Variants in GALNTL6 observed in about 807,000 individuals in gnomAD.
GALNTL6 encodes the protein polypeptide N-acetylgalactosaminyltransferase like 6.
In GALNTL6, 46 loss-of-function variants were observed where a neutral mutation model predicts 73.7. The ratio of observed to expected loss-of-function variants is 0.62; its 90% confidence interval spans 0.49 to 0.80. The LOEUF (loss-of-function observed/expected upper bound fraction) is 0.80. GALNTL6 is among the 30% of genes least tolerant of loss of function. The probability of loss-of-function intolerance (pLI) is 0.00; values close to 1 mark genes in which losing one functional copy is unlikely to be tolerated. For synonymous variants in GALNTL6, 259 were observed against 263.7 expected (o/e 0.98, Z 0.17); for missense variants, 604 against 755.0 (o/e 0.80, Z 2.34).
At chr4:172,524,204 A>G (rs923851138) in intron 5 of GALNTL6, among the ~76,000 whole-genome samples, 16 of 151,962 alleles carry the variant, frequency 1.1e-4, no homozygotes, top group Admixed American at 9.2e-4. Context: ...TTTTGTGAGT[A>G]GCTATATTTC....
intron 2 of GALNTL6, among the ~76,000 whole-genome samples, chr4:171,882,945 A>T (rs953677682): frequency 2.0e-5 from 3 of 152,240 alleles, no homozygotes; most frequent in Admixed American, 1.3e-4. Context: ...AATTACAACT[A>T]AAATAGAAAG....
intron 5 of GALNTL6, among the ~76,000 whole-genome samples, chr4:172,693,863 A>G (rs982056869): frequency 6.6e-6 from 1 of 152,220 alleles, no homozygotes; most frequent in African/African-American, 2.4e-5. Context: ...GCCTTGAATG[A>G]TGAACCCTCT....
intron 2 of GALNTL6, among the ~76,000 whole-genome samples, chr4:171,828,673 G>A (rs1205881678): frequency 2.0e-5 from 3 of 152,148 alleles, no homozygotes; most frequent in South Asian, 2.1e-4. Context: ...AGGCTGGAGT[G>A]CAGTGGCTCA....
At chr4:172,985,778 A>G (rs1373255253) in intron 10 of GALNTL6, among the ~76,000 whole-genome samples, 1 of 152,220 alleles carries the variant, frequency 6.6e-6, no homozygotes, top group African/African-American at 2.4e-5. Flanking sequence ...TCTAGGTGGC[A>G]CCACCTGATC....
intron 5 of GALNTL6, among the ~76,000 whole-genome samples, chr4:172,602,124 TA>T (rs553726743): frequency 3.0e-4 from 45 of 152,142 alleles, no homozygotes; most frequent in Admixed American, 2.6e-3. Flanking sequence ...GAATATATTT[TA>T]AATATGAATG....
At chr4:172,951,599 C>G (rs1749447789) in intron 9 of GALNTL6, among the ~76,000 whole-genome samples, 1 of 152,226 alleles carries the variant, frequency 6.6e-6, no homozygotes, top group Non-Finnish European at 1.5e-5. Flanking sequence ...AGAATAATAG[C>G]TTGTTTGTCC....
chr4:172,054,744 C>T (rs900729589), intron 2 of GALNTL6, among the ~76,000 whole-genome samples: 1 of 152,098 alleles, frequency 6.6e-6, no homozygotes, highest in African/African-American at 2.4e-5. Flanking sequence ...ACAAAAGTAA[C>T]CGTATTCAAT....
intron 2 of GALNTL6, among the ~76,000 whole-genome samples, chr4:171,973,006 A>C (rs1739616961): frequency 6.6e-6 from 1 of 152,204 alleles, no homozygotes; most frequent in Non-Finnish European, 1.5e-5. Flanking sequence ...ACAAAAATAT[A>C]AAACTATGCA....
intron 2 of GALNTL6, among the ~76,000 whole-genome samples, chr4:171,982,303 T>G (rs373886154): frequency 6.8e-6 from 1 of 148,144 alleles, no homozygotes; most frequent in Non-Finnish European, 1.5e-5. Flanking sequence ...TTGTTTGTTG[T>G]TTGTTTGTTT....
intron 5 of GALNTL6, among the ~76,000 whole-genome samples, chr4:172,395,533 A>G (rs74844069): frequency 0.11 from 16,046 of 152,132 alleles, 868 homozygotes; most frequent in East Asian, 0.17. Flanking sequence ...TATTAGAGTT[A>G]ATGGCACAGG....
At chr4:171,826,876 C>T (rs1249498411) in intron 2 of GALNTL6, among the ~76,000 whole-genome samples, 2 of 151,980 alleles carry the variant, frequency 1.3e-5, no homozygotes, top group Non-Finnish European at 2.9e-5. Context: ...ATTCTTCTGT[C>T]TTCACTGCCA....
chr4:171,902,065 T>C (rs1737117287), intron 2 of GALNTL6, among the ~76,000 whole-genome samples: 1 of 152,176 alleles, frequency 6.6e-6, no homozygotes. Context: ...AGTTCAATTT[T>C]ATTTAAGTTT....
chr4:171,978,336 C>T (rs940716351), intron 2 of GALNTL6, among the ~76,000 whole-genome samples: 2 of 152,152 alleles, frequency 1.3e-5, no homozygotes, highest in African/African-American at 4.8e-5. Context: ...CTGTGATGTT[C>T]TCATTGGGTG....
At chr4:172,350,983 G>A (rs1741920052) in intron 5 of GALNTL6, among the ~76,000 whole-genome samples, 1 of 152,104 alleles carries the variant, frequency 6.6e-6, no homozygotes, top group East Asian at 1.9e-4. Context: ...AAATGAGAAT[G>A]ATAGTGACTC....
At chr4:172,436,129 C>T (rs1211758229) in intron 5 of GALNTL6, among the ~76,000 whole-genome samples, 1 of 152,060 alleles carries the variant, frequency 6.6e-6, no homozygotes, top group East Asian at 1.9e-4. Context: ...TTTCTTATGT[C>T]TCTACAGTTA....
chr4:172,392,266 G>A (rs1384190595), intron 5 of GALNTL6, among the ~76,000 whole-genome samples: 1 of 152,104 alleles, frequency 6.6e-6, no homozygotes, highest in African/African-American at 2.4e-5. Flanking sequence ...TGGAATCACA[G>A]ACATGAGCCA....
intron 5 of GALNTL6, among the ~76,000 whole-genome samples, chr4:172,404,859 C>G (rs1310614125): frequency 6.6e-6 from 1 of 151,992 alleles, no homozygotes; most frequent in African/African-American, 2.4e-5. Context: ...TAATGAAGAG[C>G]TAATTACAAA....
intron 2 of GALNTL6, among the ~76,000 whole-genome samples, chr4:172,089,446 C>A (rs914974207): frequency 1.1e-4 from 16 of 152,110 alleles, no homozygotes; most frequent in African/African-American, 3.9e-4. Context: ...ACATGGGTGA[C>A]CAGTTTCAGT....
intron 5 of GALNTL6, among the ~76,000 whole-genome samples, chr4:172,370,784 G>C (rs546166278): frequency 2.0e-5 from 3 of 152,078 alleles, no homozygotes; most frequent in East Asian, 3.9e-4. Flanking sequence ...TCCTTTCTCA[G>C]CAGGGGGGAG....
Sources: allele counts gnomAD v4.1 joint callset (sites outside exome capture counted in the v4.1 genomes callset), GRCh38; gene constraint gnomAD v4.1.1; transcripts MANE v1.5; gene names NCBI Gene and HGNC (gene_info 2026-07-23, HGNC 2026-07-21).